The following ARHGAP10 variants were observed in gnomAD, a reference collection of about 807,000 sequenced individuals.
ARHGAP10 encodes rho GTPase-activating protein 10.
A neutral mutation model predicts 108.6 loss-of-function variants in ARHGAP10; 87 were observed. The ratio of observed to expected loss-of-function variants is 0.80; its 90% CI spans 0.67 to 0.96. The LOEUF (loss-of-function observed/expected upper bound fraction) is 0.96, where lower values mean the gene tolerates loss of function less well. Ranked by LOEUF, ARHGAP10 falls within the 40% of genes least tolerant of loss-of-function variation. The pLI is 0.00. For missense variants in ARHGAP10, 939 were observed against 954.5 expected (o/e 0.98, Z 0.21); for synonymous variants, 347 against 341.1 (o/e 1.02, Z -0.19).
chr4:147,965,095 G>A lies in ARHGAP10; in HGVS notation c.1522G>A (p.Glu508Lys), dbSNP rs1739156032. Residue 508 changes from glutamate (E) to lysine (K), a missense_variant, in exon 17 of 23, where the codon GAG becomes AAG. By Grantham distance (56) the Glu-to-Lys change is moderately conservative (BLOSUM62 1). Transcript: ENST00000336498. ...ACACAAACTGCCAGAGAAGAATAAAGAGATGTTGGATATTTTGGTGAAACA... is the reference window on the plus strand; with the variant it reads ...ACACAAACTGCCAGAGAAGAATAAAAAGATGTTGGATATTTTGGTGAAACA... ...LVHKLPEKNK[E>K]MLDILVKHLT... 1.2e-6 allele frequency: 2 copies of A among 1,606,872 alleles called. No individual in the cohort carries two copies. Among genetic ancestry groups the A allele is most frequent in the Non-Finnish European group, 8.5e-7 (1 of 1,176,376 alleles).
intron 20 of ARHGAP10, among the ~76,000 whole-genome samples, chr4:148,049,006 A>AT (rs1398455860): frequency 6.9e-5 from 10 of 145,006 alleles, no homozygotes; most frequent in African/African-American, 1.8e-4. Flanking sequence ...CAGAAACTTG[A>AT]TTTATTTTTT....
chr4:147,889,975 G>A (rs1171384841), intron 10 of ARHGAP10, among the ~76,000 whole-genome samples: 2 of 152,142 alleles, frequency 1.3e-5, no homozygotes, highest in Admixed American at 6.5e-5. Context: ...CTGCTCTCTC[G>A]AGCATAGTTT....
chr4:147,755,741 G>A (rs149094525), intron 1 of ARHGAP10, among the ~76,000 whole-genome samples: 96 of 152,134 alleles, frequency 6.3e-4, no homozygotes, highest in African/African-American at 1.1e-3. Context: ...TTTCTATTTG[G>A]CTCTTTTAGA....
chr4:147,823,643 G>C (rs1242414274), intron 3 of ARHGAP10, among the ~76,000 whole-genome samples: 3 of 152,144 alleles, frequency 2.0e-5, no homozygotes, highest in African/African-American at 7.2e-5. Flanking sequence ...CATGGTCCCA[G>C]CTACTCAGGA....
chr4:147,988,295 A>C (rs547145025), intron 18 of ARHGAP10, among the ~76,000 whole-genome samples: 6 of 152,274 alleles, frequency 3.9e-5, no homozygotes, highest in East Asian at 1.9e-4. Context: ...CAGTTTTCTC[A>C]GCCCACAGTT....
chr4:147,902,516 A>G (rs1736290510), intron 10 of ARHGAP10, among the ~76,000 whole-genome samples: 1 of 152,118 alleles, frequency 6.6e-6, no homozygotes, highest in African/African-American at 2.4e-5. Flanking sequence ...TCACCTTGTC[A>G]GGAGTGACCT....
At chr4:147,824,590 TAC>T (rs1470713033) in intron 3 of ARHGAP10, among the ~76,000 whole-genome samples, 1 of 152,138 alleles carries the variant, frequency 6.6e-6, no homozygotes, top group Non-Finnish European at 1.5e-5. Flanking sequence ...TCGGGAAACT[TAC>T]AGTCATGGTG....
intron 15 of ARHGAP10, among the ~76,000 whole-genome samples, chr4:147,947,594 G>T (rs1738435933): frequency 6.6e-6 from 1 of 151,778 alleles, no homozygotes; most frequent in South Asian, 2.1e-4. Context: ...GTAGAGGTGG[G>T]GTTTCGCCAT....
chr4:147,909,524 A>G (rs183888240), intron 11 of ARHGAP10, among the ~76,000 whole-genome samples: 13 of 152,356 alleles, frequency 8.5e-5, no homozygotes, highest in Non-Finnish European at 1.8e-4. Flanking sequence ...ATGAATAACA[A>G]AAGATGTTCT....
At chr4:147,857,417 T>C in intron 4 of ARHGAP10, 136 bp from the exon 5 acceptor site, 1 of 863,818 alleles carries the variant, frequency 1.2e-6, no homozygotes, top group Non-Finnish European at 1.6e-6. Context: ...AGATATGTTT[T>C]TTTAGATAGC....
intron 9 of ARHGAP10, among the ~76,000 whole-genome samples, chr4:147,880,943 C>T (rs562448141): frequency 2.6e-5 from 4 of 152,154 alleles, no homozygotes; most frequent in African/African-American, 9.6e-5. Context: ...TAACAGTATT[C>T]CAGTATCTTA....
intron 1 of ARHGAP10, among the ~76,000 whole-genome samples, chr4:147,811,823 A>C (rs1174254858): frequency 1.3e-5 from 2 of 152,244 alleles, no homozygotes; most frequent in African/African-American, 4.8e-5. Flanking sequence ...ATTTATTTCC[A>C]AAGCTAGCTT....
intron 18 of ARHGAP10, among the ~76,000 whole-genome samples, chr4:148,005,261 C>T (rs978949855): frequency 6.6e-6 from 1 of 152,012 alleles, no homozygotes; most frequent in Non-Finnish European, 1.5e-5. Context: ...AGTGTGGAAC[C>T]GTATCTACTA....
At chr4:148,001,513 C>T (rs1057452164) in intron 18 of ARHGAP10, among the ~76,000 whole-genome samples, 5 of 152,090 alleles carry the variant, frequency 3.3e-5, no homozygotes, top group Non-Finnish European at 7.3e-5. Flanking sequence ...GTGGTATGGC[C>T]ATTTTCACGA....
At chr4:147,931,922 A>T (rs535188820) in intron 13 of ARHGAP10, among the ~76,000 whole-genome samples, 1 of 152,210 alleles carries the variant, frequency 6.6e-6, no homozygotes, top group Non-Finnish European at 1.5e-5. Context: ...TTTGCAATCT[A>T]TCCATCTGAC....
At chr4:147,924,574 G>T (rs35548212) in intron 13 of ARHGAP10, among the ~76,000 whole-genome samples, 1 of 152,174 alleles carries the variant, frequency 6.6e-6, no homozygotes, top group Non-Finnish European at 1.5e-5. Context: ...TAGAACAGAA[G>T]AAACTTGGTG....
chr4:147,949,499 C>T (rs969785908), intron 15 of ARHGAP10, among the ~76,000 whole-genome samples: 1 of 152,160 alleles, frequency 6.6e-6, no homozygotes, highest in African/African-American at 2.4e-5. Context: ...TGCTGGTTTG[C>T]AGTGCTCCTG....
At chr4:147,820,373 C>T (rs928256784) in intron 1 of ARHGAP10, among the ~76,000 whole-genome samples, 4 of 152,146 alleles carry the variant, frequency 2.6e-5, no homozygotes, top group South Asian at 2.1e-4. Flanking sequence ...GCAACCTTCG[C>T]CTCCTGAGTT....
At chr4:147,791,356 C>T (rs1028074433) in intron 1 of ARHGAP10, among the ~76,000 whole-genome samples, 3 of 152,126 alleles carry the variant, frequency 2.0e-5, no homozygotes, top group African/African-American at 4.8e-5. Flanking sequence ...AGGTGATCTG[C>T]CTGCCTCAGC....
Sources: gnomAD v4.1 joint callset for allele counts (sites outside exome capture counted in the v4.1 genomes callset) on GRCh38, gnomAD v4.1.1 for gene constraint, MANE v1.5 for transcripts, NCBI Gene and HGNC (gene_info 2026-07-23, HGNC 2026-07-21) for gene names.